Variants in KHDRBS2 observed in about 807,000 individuals in gnomAD.
KHDRBS2 encodes the protein KH RNA binding domain containing, signal transduction associated 2.
KHDRBS2 carries 26 observed loss-of-function variants against 44.3 expected under a neutral mutation model. That is an observed-to-expected ratio of 0.59 (90% CI 0.43 to 0.81). KHDRBS2 has a LOEUF of 0.81. Among genes scored for constraint, KHDRBS2 ranks in the 40% least tolerant of loss-of-function variants. KHDRBS2 has a pLI of 0.00. For synonymous variants in KHDRBS2, 194 were observed against 151.1 expected (o/e 1.28, Z -2.08); for missense variants, 476 against 433.1 (o/e 1.10, Z -0.88).
chr6:61,742,343 T>C (rs1334945807), intron 6 of KHDRBS2, among the ~76,000 whole-genome samples: 1 of 152,102 alleles, frequency 6.6e-6, no homozygotes, highest in Non-Finnish European at 1.5e-5. Context: ...ATGGTAATAA[T>C]CAAAAATTTA....
chr6:61,773,800 C>T (rs903350472), intron 6 of KHDRBS2, among the ~76,000 whole-genome samples: 1 of 149,698 alleles, frequency 6.7e-6, no homozygotes, highest in Non-Finnish European at 1.5e-5. Flanking sequence ...GTCTTTAAAC[C>T]ATCTTGAATT....
chr6:61,965,898 T>C (rs1291696046), intron 4 of KHDRBS2, among the ~76,000 whole-genome samples: 1 of 152,024 alleles, frequency 6.6e-6, no homozygotes, highest in East Asian at 1.9e-4. Context: ...CATTCCACAG[T>C]CAAGTTTCCT....
At chr6:61,912,749 C>A (rs990211456) in intron 4 of KHDRBS2, among the ~76,000 whole-genome samples, 1 of 152,098 alleles carries the variant, frequency 6.6e-6, no homozygotes, top group Non-Finnish European at 1.5e-5. Context: ...CTGTCCTCTG[C>A]AAAATAGACA....
chr6:61,744,713 T>G (rs1776625110), intron 6 of KHDRBS2, among the ~76,000 whole-genome samples: 1 of 152,132 alleles, frequency 6.6e-6, no homozygotes, highest in Admixed American at 6.5e-5. Context: ...ATCCTTTTTA[T>G]CCTTTATCCT....
At chr6:62,026,852 G>A (rs1783436817) in intron 3 of KHDRBS2, among the ~76,000 whole-genome samples, 1 of 152,074 alleles carries the variant, frequency 6.6e-6, no homozygotes, top group Non-Finnish European at 1.5e-5. Context: ...TTGCCTGCAT[G>A]CATACATCCT....
intron 1 of KHDRBS2, among the ~76,000 whole-genome samples, chr6:62,252,416 T>C (rs1836698354): frequency 1.3e-5 from 2 of 151,946 alleles, no homozygotes; most frequent in African/African-American, 4.8e-5. Flanking sequence ...TAGCAATAAG[T>C]ATCATTTTCT....
In KHDRBS2 at chr6:61,941,944, A is replaced by G. The variant is rs565138917; in HGVS notation, c.483+36122T>C. Among the ~76,000 whole-genome samples, 55 of 152,190 alleles carry G rather than the reference A, an allele frequency of 3.6e-4. 1 individual carries two copies. Among genetic ancestry groups the G allele is most frequent in the Middle Eastern group, 6.8e-3 (2 of 292 alleles). On this transcript the variant is annotated intron_variant, in intron 4 of 8. Transcript: ENST00000281156. ...AAGAAATTCAAAACATTCCAGAAAA[A>G]GAATCCAAATTATTATTATTATTGT...
chr6:61,751,593 A>C (rs188373788), intron 6 of KHDRBS2, among the ~76,000 whole-genome samples: 3 of 152,280 alleles, frequency 2.0e-5, no homozygotes, highest in Non-Finnish European at 2.9e-5. Flanking sequence ...CATAACACTT[A>C]AATGTTGTGT....
chr6:62,021,705 C>G (rs1782348712), intron 3 of KHDRBS2, among the ~76,000 whole-genome samples: 1 of 151,534 alleles, frequency 6.6e-6, no homozygotes, highest in African/African-American at 2.4e-5. Flanking sequence ...AATCAAAGAT[C>G]TTTTGATACC....
chr6:61,990,974 C>T (rs1268531317), intron 3 of KHDRBS2, among the ~76,000 whole-genome samples: 1 of 152,162 alleles, frequency 6.6e-6, no homozygotes, highest in South Asian at 2.1e-4. Context: ...TCCCAAAATG[C>T]TGGGATTACA....
At chr6:61,587,747 C>T in the KHDRBS2 span, among the ~76,000 whole-genome samples, 1 of 152,246 alleles carries the variant, frequency 6.6e-6, no homozygotes, top group African/African-American at 2.4e-5. Context: ...GGTTACAGAA[C>T]ATATCTTTAC....
rs1167107880 is a variant in KHDRBS2 at position 62,249,802 on chromosome 6, C to T, written c.91+36056G>A. 2.0e-5 allele frequency among the ~76,000 whole-genome samples: 3 copies of T among 152,032 alleles called. No individual in the cohort carries two copies. In the East Asian group the frequency reaches 5.8e-4, roughly 29 times the overall value. ...CTTTCATATTTAGGAAAAGAACATG[C>T]TCTTCCACTCTCAGCAAATGATTAA... On this transcript the variant is annotated intron_variant, in intron 1 of 8. Coordinates refer to ENST00000281156, the MANE Select transcript of KHDRBS2 (RefSeq NM_152688.4).
chr6:61,803,437 T>C (rs1786610644), intron 6 of KHDRBS2, among the ~76,000 whole-genome samples: 1 of 152,162 alleles, frequency 6.6e-6, no homozygotes, highest in Non-Finnish European at 1.5e-5. Flanking sequence ...CTCTTATATA[T>C]TTGTATACTT....
chr6:62,005,904 C>T (rs1038011568), intron 3 of KHDRBS2, among the ~76,000 whole-genome samples: 11 of 151,598 alleles, frequency 7.3e-5, no homozygotes, highest in African/African-American at 2.4e-4. Flanking sequence ...ACAGTTTAAG[C>T]GATTACTAAC....
At chr6:61,923,468 A>C (rs191442670) in intron 4 of KHDRBS2, among the ~76,000 whole-genome samples, 518 of 152,096 alleles carry the variant, frequency 3.4e-3, no homozygotes, top group African/African-American at 0.012. Context: ...TTGTCTATTA[A>C]AGATATGTAA....
intron 6 of KHDRBS2, among the ~76,000 whole-genome samples, chr6:61,795,950 T>G (rs905384696): frequency 1.3e-5 from 2 of 152,064 alleles, no homozygotes; most frequent in African/African-American, 4.8e-5. Context: ...AAAGAACAAG[T>G]GATAAAGTCC....
At chr6:61,549,766 C>T in the KHDRBS2 span, among the ~76,000 whole-genome samples, 1 of 152,062 alleles carries the variant, frequency 6.6e-6, no homozygotes, top group Non-Finnish European at 1.5e-5. Flanking sequence ...TTTTCTGATT[C>T]TACACAAAAA....
intron 2 of KHDRBS2, among the ~76,000 whole-genome samples, chr6:62,089,338 T>G (rs958222474): frequency 1.3e-4 from 19 of 151,582 alleles, no homozygotes; most frequent in African/African-American, 4.6e-4. Flanking sequence ...AGTTTTGTGC[T>G]TGAAACCGAG....
intron 1 of KHDRBS2, among the ~76,000 whole-genome samples, chr6:62,202,871 AT>A (rs1390493660): frequency 6.6e-6 from 1 of 152,078 alleles, no homozygotes. Context: ...GGGTATGAAA[AT>A]TTATTCCAGG....
Sources: allele counts gnomAD v4.1 joint callset (sites outside exome capture counted in the v4.1 genomes callset), GRCh38; gene constraint gnomAD v4.1.1; transcripts MANE v1.5; gene names NCBI Gene and HGNC (gene_info 2026-07-23, HGNC 2026-07-21).